TMEM245: variants seen among roughly 807,000 people sequenced by gnomAD.
The protein encoded by TMEM245 is protein CG-2.
Under a neutral mutation model 101.2 loss-of-function variants are expected in TMEM245, and 69 were observed. The ratio of observed to expected loss-of-function variants is 0.68; its 90% CI spans 0.56 to 0.83. TMEM245 has a LOEUF of 0.83. TMEM245 is among the 40% of genes least tolerant of loss of function. The pLI, the probability that TMEM245 is intolerant of heterozygous loss-of-function variation, is 0.00. For missense variants in TMEM245, 1,075 were observed against 1,092.8 expected (o/e 0.98, Z 0.23); for synonymous variants, 537 against 449.8 (o/e 1.19, Z -2.45).
chr9:109,020,250 C>T lies in TMEM245; in HGVS notation c.*210G>A. On this transcript the variant is annotated 3_prime_UTR_variant, in exon 18 of 18. Coordinates refer to ENST00000374586, the MANE Select transcript of TMEM245 (RefSeq NM_032012.4). ...AACAGTTAAGTGAGCAAACCACCAA[C>T]TCTGAACTCTCAAGCTGTGTTTTAA... 1 of 621,582 alleles carries T rather than the reference C, an allele frequency of 1.6e-6. No homozygotes were observed. The highest frequency in any genetic ancestry group is 3.0e-6 in the Non-Finnish European group (1 of 338,368). The allele number at this position is 621,582 out of a possible 1,614,324, so 38.5% of individuals were successfully genotyped here. A position where few individuals can be genotyped will look rare whatever the true frequency, so the allele number is the denominator to read the frequency against.
In TMEM245 at chr9:109,050,342, T is replaced by A. The variant is rs1289688336; in HGVS notation, c.2064A>T (p.Pro688=). The A allele has an allele frequency of 1.2e-6, 2 of 1,614,108 alleles. No homozygotes were observed. Among genetic ancestry groups the A allele is most frequent in the Non-Finnish European group, 1.7e-6 (2 of 1,180,018 alleles). The change falls in exon 14 of 18, where the codon CCA becomes CCT. Residue 688 remains proline, a synonymous_variant. Transcript: ENST00000374586. ...TAGAAGAAGGACCTGGCTGAGATAG[T>A]GGAGTCAGGCTTATCACCCACTTCA... ...KPVKWVISLT[P]LSQPGPSSNI...
intron 3 of TMEM245, among the ~76,000 whole-genome samples, chr9:109,098,138 T>C (rs10123957): frequency 0.49 from 73,848 of 151,922 alleles, 18,192 homozygotes; most frequent in Admixed American, 0.56. Context: ...TTTAGATCTC[T>C]CCACAGAGCT....
intron 17 of TMEM245, among the ~76,000 whole-genome samples, chr9:109,020,965 T>A (rs1827603598): frequency 6.6e-6 from 1 of 152,060 alleles, no homozygotes; most frequent in African/African-American, 2.4e-5. Flanking sequence ...CAACAGAGAG[T>A]CCAAGCTCTA....
intron 17 of TMEM245, among the ~76,000 whole-genome samples, chr9:109,021,535 G>A: frequency 6.6e-6 from 1 of 152,086 alleles, no homozygotes; most frequent in Admixed American, 6.5e-5. Flanking sequence ...TGTTTTTTGA[G>A]ACAAGGTCTC....
chr9:109,115,857 A>C (rs1281413311), intron 1 of TMEM245, among the ~76,000 whole-genome samples: 1 of 152,080 alleles, frequency 6.6e-6, no homozygotes, highest in Non-Finnish European at 1.5e-5. Flanking sequence ...AATTAAACAC[A>C]ATGTATTAGG....
intron 1 of TMEM245, 113 bp from the exon 2 acceptor site, chr9:109,108,683 A>G: frequency 1.5e-6 from 1 of 681,124 alleles, no homozygotes; most frequent in South Asian, 3.5e-5. Flanking sequence ...ATAGCACAGA[A>G]AAGATGAAGG....
intron 1 of TMEM245, among the ~76,000 whole-genome samples, chr9:109,117,786 A>C (rs976442149): frequency 1.3e-5 from 2 of 152,258 alleles, no homozygotes; most frequent in Non-Finnish European, 2.9e-5. Context: ...CAGTATCAAC[A>C]GTCAAAAATG....
rs1827483797 is a variant in TMEM245 at position 109,017,455 on chromosome 9, A to G, written c.*3005T>C. ...ATATTGATAGGAACTTCAGAACTCA[A>G]ACAGCACTCACATAACATGGAATTT... is the stretch of plus-strand genomic sequence containing the variant. On this transcript the variant is annotated 3_prime_UTR_variant, in exon 18 of 18. Coordinates refer to ENST00000374586, the MANE Select transcript of TMEM245 (RefSeq NM_032012.4). The G allele has an allele frequency of 6.6e-6, 1 of 152,220 alleles. No homozygotes were observed. The highest frequency in any genetic ancestry group is 1.5e-5 in the Non-Finnish European group (1 of 68,048). The allele number at this position is 152,220 out of a possible 1,614,324, so 9.4% of individuals were successfully genotyped here.
chr9:109,080,767 TAGC>T (rs1829643864), intron 8 of TMEM245, 69 bp downstream of exon 8: 16 of 945,358 alleles, frequency 1.7e-5, no homozygotes, highest in African/African-American at 5.1e-5. Context: ...CCCCTTCTGC[TAGC>T]TTTTAATCCA....
intron 14 of TMEM245, among the ~76,000 whole-genome samples, chr9:109,047,213 T>C (rs1055811686): frequency 6.6e-6 from 1 of 152,166 alleles, no homozygotes; most frequent in South Asian, 2.1e-4. Context: ...AAGGTGATAA[T>C]AAAACAAATG....
chr9:109,062,955 G>A (rs965651325), intron 10 of TMEM245, among the ~76,000 whole-genome samples: 1 of 150,504 alleles, frequency 6.6e-6, no homozygotes, highest in East Asian at 2.0e-4. Flanking sequence ...GGGCAACAGA[G>A]CAAGACTCCC....
chr9:109,091,669 G>C (rs139016332), intron 4 of TMEM245, among the ~76,000 whole-genome samples: 1 of 152,038 alleles, frequency 6.6e-6, no homozygotes, highest in Non-Finnish European at 1.5e-5. Flanking sequence ...ACATGAATGA[G>C]ATACAAAAAC....
chr9:109,056,859 C>T (rs922746309), intron 12 of TMEM245, among the ~76,000 whole-genome samples: 2 of 152,178 alleles, frequency 1.3e-5, no homozygotes, highest in African/African-American at 4.8e-5. Context: ...AAGCATTCAA[C>T]ACATCCCATC....
intron 3 of TMEM245, among the ~76,000 whole-genome samples, chr9:109,098,618 G>C (rs1270463953): frequency 2.0e-5 from 3 of 151,718 alleles, no homozygotes; most frequent in African/African-American, 7.3e-5. Context: ...AACAATGCCA[G>C]GACTGAGAAT....
chr9:109,075,107 G>A lies in TMEM245; in HGVS notation c.1450-1669C>T, dbSNP rs143476663. On this transcript the variant is annotated intron_variant, in intron 8 of 17. Transcript: ENST00000374586. Reference sequence around the variant, plus strand: ...GCTAAGGAACAATTCAAGAGAGAACGGGGATAGCTTTGAGCAGGACAGTAG... The same window carrying A: ...GCTAAGGAACAATTCAAGAGAGAACAGGGATAGCTTTGAGCAGGACAGTAG... Among the ~76,000 whole-genome samples the A allele has an allele frequency of 7.9e-5, 12 of 152,316 alleles. No homozygotes were observed. In the East Asian group the frequency reaches 1.5e-3, roughly 20 times the overall value.
chr9:109,038,129 A>G lies in TMEM245; in HGVS notation c.2124-12T>C. 1 of 1,599,048 alleles carries G rather than the reference A, an allele frequency of 6.3e-7. No homozygotes were observed. The highest frequency in any genetic ancestry group is 8.5e-7 in the Non-Finnish European group (1 of 1,170,702). ...CATCAAACACCCCTCTGGAATGCCC[A>G]AAGATAAAAAGAAAGAGTAAATAAA... On this transcript the variant is annotated splice_polypyrimidine_tract_variant and intron_variant, in intron 14 of 17. Transcript: ENST00000374586.
intron 3 of TMEM245, among the ~76,000 whole-genome samples, chr9:109,096,018 G>A (rs1830130423): frequency 6.6e-6 from 1 of 152,228 alleles, no homozygotes; most frequent in Non-Finnish European, 1.5e-5. Flanking sequence ...GTGTTAAAGA[G>A]ACGTAGAAGA....
chr9:109,032,510 G>C (rs1455167744), intron 17 of TMEM245, among the ~76,000 whole-genome samples: 1 of 147,120 alleles, frequency 6.8e-6, no homozygotes, highest in South Asian at 2.2e-4. Context: ...TCAGCCTCCC[G>C]AGTAGCTGGG....
chr9:109,099,334 G>A (rs189938017), intron 3 of TMEM245, among the ~76,000 whole-genome samples: 1 of 152,174 alleles, frequency 6.6e-6, no homozygotes, highest in South Asian at 2.1e-4. Flanking sequence ...ATTTGGGCTT[G>A]ACTGAACCAA....
Sources: allele counts gnomAD v4.1 joint callset (sites outside exome capture counted in the v4.1 genomes callset), GRCh38; gene constraint gnomAD v4.1.1; transcripts MANE v1.5; gene names NCBI Gene and HGNC (gene_info 2026-07-23, HGNC 2026-07-21).